DDX10: variants seen among roughly 807,000 people sequenced by gnomAD.
The protein encoded by DDX10 is DEAD-box helicase 10, also known as probable ATP-dependent RNA helicase DDX10.
In DDX10, 74 loss-of-function variants were observed where a neutral mutation model predicts 104.3. The ratio of observed to expected loss-of-function variants is 0.71; its 90% CI spans 0.59 to 0.86. DDX10 has a LOEUF of 0.86. Among genes scored for constraint, DDX10 ranks in the 40% least tolerant of loss-of-function variants. The pLI is 0.00. For synonymous variants in DDX10, 351 were observed against 353.4 expected (o/e 0.99, Z 0.08); for missense variants, 952 against 1,040.0 (o/e 0.92, Z 1.16).
At chr11:108,710,121 A>ATAC (rs2094282098) in intron 10 of DDX10, among the ~76,000 whole-genome samples, 1 of 152,228 alleles carries the variant, frequency 6.6e-6, no homozygotes, top group African/African-American at 2.4e-5. Flanking sequence ...GATAAAAAGC[A>ATAC]TACCTGCATA....
chr11:108,904,315 G>T (rs1863561416), intron 16 of DDX10, among the ~76,000 whole-genome samples: 1 of 152,062 alleles, frequency 6.6e-6, no homozygotes, highest in Non-Finnish European at 1.5e-5. Flanking sequence ...TGGTATCAAG[G>T]TGACATTTTT....
intron 13 of DDX10, among the ~76,000 whole-genome samples, chr11:108,755,313 G>C (rs1056086757): frequency 6.6e-6 from 1 of 152,006 alleles, no homozygotes; most frequent in Non-Finnish European, 1.5e-5. Flanking sequence ...ATAGCTGCAT[G>C]ATTTTTTCTC....
chr11:108,729,270 C>G lies in DDX10; in HGVS notation c.1965+5808C>G, dbSNP rs184692186. 1.6e-3 allele frequency among the ~76,000 whole-genome samples: 248 copies of G among 152,224 alleles called. 1 individual carries two copies. Among genetic ancestry groups the G allele is most frequent in the Admixed American group, 2.7e-3 (41 of 15,294 alleles). On this transcript the variant is annotated intron_variant, in intron 13 of 17. Coordinates refer to ENST00000322536, the MANE Select transcript of DDX10 (RefSeq NM_004398.4). ...CTACGTAATACCTCCTTATGCCGCT[C>G]TTATTGAAGGAGGGTCACAAATTCC...
chr11:108,865,479 A>G (rs995919550), intron 16 of DDX10, among the ~76,000 whole-genome samples: 4 of 152,206 alleles, frequency 2.6e-5, no homozygotes, highest in African/African-American at 9.6e-5. Flanking sequence ...GTTGAAATAC[A>G]GCAGGAGACT....
chr11:108,839,625 G>A (rs569293920), intron 14 of DDX10, among the ~76,000 whole-genome samples: 1 of 152,216 alleles, frequency 6.6e-6, no homozygotes, highest in East Asian at 1.9e-4. Context: ...CCTCTCCAGT[G>A]GAGTATGATT....
chr11:108,915,483 G>A (rs1402394845), intron 16 of DDX10, among the ~76,000 whole-genome samples: 6 of 146,994 alleles, frequency 4.1e-5, no homozygotes, highest in Admixed American at 2.7e-4. Context: ...TAAAGACATC[G>A]ATGGTGGATA....
intron 16 of DDX10, among the ~76,000 whole-genome samples, chr11:108,909,707 G>C (rs1424916867): frequency 2.0e-5 from 3 of 152,158 alleles, no homozygotes; most frequent in Non-Finnish European, 2.9e-5. Flanking sequence ...CCCTTGACCT[G>C]TGGGATCTGT....
intron 16 of DDX10, among the ~76,000 whole-genome samples, chr11:108,871,625 G>A (rs938469195): frequency 8.5e-5 from 13 of 152,056 alleles, no homozygotes; most frequent in Admixed American, 1.3e-4. Context: ...CCAGTCCCAC[G>A]AATTTAAGAA....
intron 13 of DDX10, among the ~76,000 whole-genome samples, chr11:108,772,989 C>T (rs954176551): frequency 3.9e-5 from 6 of 152,260 alleles, no homozygotes; most frequent in East Asian, 3.9e-4. Context: ...TTATTGTGAA[C>T]ATAGTTTTGA....
intron 17 of DDX10, among the ~76,000 whole-genome samples, chr11:108,938,695 G>A (rs933857501): frequency 4.6e-5 from 7 of 152,134 alleles, no homozygotes; most frequent in African/African-American, 1.4e-4. Context: ...GCAGTGATTT[G>A]TGGCTTTAAA....
chr11:108,845,697 T>G (rs1257830213), intron 15 of DDX10, among the ~76,000 whole-genome samples: 1 of 152,238 alleles, frequency 6.6e-6, no homozygotes, highest in Non-Finnish European at 1.5e-5. Context: ...CACATGCTTC[T>G]GTATTTGACA....
At position 108,858,053 on chromosome 11, in the gene DDX10, A is replaced by G. The variant is rs1432653670; in HGVS notation, c.2304+5844A>G. ...CAGCTTAATTTTTTCTTACAAATGA[A>G]AAATTAGGAAACATTTACCATTATT... is the stretch of plus-strand genomic sequence containing the variant. On this transcript the variant is annotated intron_variant, in intron 16 of 17. Coordinates refer to ENST00000322536, the MANE Select transcript of DDX10 (RefSeq NM_004398.4). Among the ~76,000 whole-genome samples, 3 of 152,250 alleles carry G rather than the reference A, an allele frequency of 2.0e-5. No individual in the cohort carries two copies. In the East Asian group the frequency reaches 5.8e-4, roughly 29 times the overall value.
chr11:108,896,711 C>T (rs1032603593), intron 16 of DDX10, among the ~76,000 whole-genome samples: 1 of 152,126 alleles, frequency 6.6e-6, no homozygotes, highest in Admixed American at 6.6e-5. Flanking sequence ...CATCTGTCCT[C>T]ATATCTTAGT....
At chr11:108,819,266 C>G (rs896616461) in intron 13 of DDX10, among the ~76,000 whole-genome samples, 1 of 152,094 alleles carries the variant, frequency 6.6e-6, no homozygotes, top group Admixed American at 6.5e-5. Flanking sequence ...TTCTCCCCAG[C>G]TTTATTTTAC....
At chr11:108,835,115 T>C (rs375394532) in intron 13 of DDX10, among the ~76,000 whole-genome samples, 3 of 152,088 alleles carry the variant, frequency 2.0e-5, no homozygotes, top group Non-Finnish European at 4.4e-5. Context: ...TCCCTTGTGT[T>C]CACAGGGGTC....
intron 13 of DDX10, among the ~76,000 whole-genome samples, chr11:108,751,638 A>G (rs1430971115): frequency 6.6e-6 from 1 of 152,222 alleles, no homozygotes; most frequent in African/African-American, 2.4e-5. Flanking sequence ...GAAGAGGCTG[A>G]GAGTGAAAGA....
At chr11:108,864,339 A>T (rs1565302547) in intron 16 of DDX10, among the ~76,000 whole-genome samples, 1 of 152,080 alleles carries the variant, frequency 6.6e-6, no homozygotes, top group Admixed American at 6.6e-5. Context: ...ACATGTGTTC[A>T]TGCAGTATAT....
intron 10 of DDX10, among the ~76,000 whole-genome samples, chr11:108,714,346 T>C (rs1032006001): frequency 1.3e-5 from 2 of 151,454 alleles, no homozygotes; most frequent in Admixed American, 6.6e-5. Flanking sequence ...GTGATCCCTG[T>C]ACTCACCTCT....
At chr11:108,684,073 A>G (rs2094239278) in intron 6 of DDX10, among the ~76,000 whole-genome samples, 1 of 140,584 alleles carries the variant, frequency 7.1e-6, no homozygotes, top group Non-Finnish European at 1.5e-5. Context: ...GATTCTTCAG[A>G]TGCATTTTAG....
Sources: allele counts gnomAD v4.1 joint callset (sites outside exome capture counted in the v4.1 genomes callset), GRCh38; gene constraint gnomAD v4.1.1; transcripts MANE v1.5; gene names NCBI Gene and HGNC (gene_info 2026-07-23, HGNC 2026-07-21).